CUBN: variants seen among roughly 807,000 people sequenced by gnomAD.
CUBN encodes the protein 460 kDa receptor.
Under a neutral mutation model 405.3 loss-of-function variants are expected in CUBN, and 282 were observed. That is an observed-to-expected ratio of 0.70 (90% CI 0.63 to 0.77). CUBN has a LOEUF of 0.77. Among genes scored for constraint, CUBN ranks in the 30% least tolerant of loss-of-function variants. The pLI, the probability that CUBN is intolerant of heterozygous loss-of-function variation, is 0.00. For missense variants in CUBN, 4,514 were observed against 4,475.2 expected, an observed-to-expected ratio of 1.01 and a Z score of -0.25; for synonymous variants, 1,684 against 1,617.0, an observed-to-expected ratio of 1.04 and a Z score of -0.99.
chr10:17,011,937 C>G (rs1380124225), intron 28 of CUBN, among the ~76,000 whole-genome samples: 1 of 152,148 alleles, frequency 6.6e-6, no homozygotes, highest in Non-Finnish European at 1.5e-5. Flanking sequence ...TCTTAATCCC[C>G]CCTCTAAACA....
intron 53 of CUBN, 151 bp from the exon 54 acceptor site, chr10:16,899,334 C>G: frequency 1.4e-6 from 1 of 702,918 alleles, no homozygotes. Context: ...ACAGCAAGCT[C>G]TCTCCATAAA....
At chr10:16,961,359 C>A (rs995120474) in intron 31 of CUBN, among the ~76,000 whole-genome samples, 1 of 152,186 alleles carries the variant, frequency 6.6e-6, no homozygotes, top group Non-Finnish European at 1.5e-5. Context: ...AGCCACAGTG[C>A]CCGGCCTTAA....
At chr10:16,861,396 C>G (rs1840008983) in intron 59 of CUBN, among the ~76,000 whole-genome samples, 1 of 152,054 alleles carries the variant, frequency 6.6e-6, no homozygotes, top group Admixed American at 6.5e-5. Context: ...CTCCTGACCT[C>G]AGGTGATCAG....
intron 48 of CUBN, among the ~76,000 whole-genome samples, chr10:16,913,585 T>C (rs757218703): frequency 2.0e-5 from 3 of 152,238 alleles, no homozygotes; most frequent in Non-Finnish European, 2.9e-5. Flanking sequence ...AAATTTATTC[T>C]ATGACCCTGA....
chr10:17,004,674 CTT>C (rs10637688), intron 28 of CUBN, among the ~76,000 whole-genome samples: 3 of 141,112 alleles, frequency 2.1e-5, no homozygotes, highest in Non-Finnish European at 4.6e-5. Flanking sequence ...CTAAATAGCT[CTT>C]TTTTTTTTTT....
intron 10 of CUBN, among the ~76,000 whole-genome samples, chr10:17,108,360 T>C (rs980087520): frequency 2.0e-5 from 3 of 147,142 alleles, no homozygotes; most frequent in African/African-American, 7.5e-5. Flanking sequence ...AATCATTTAA[T>C]AAGCATTTAG....
chr10:16,976,992 G>T (rs1229661625), intron 31 of CUBN, among the ~76,000 whole-genome samples: 1 of 152,160 alleles, frequency 6.6e-6, no homozygotes, highest in Non-Finnish European at 1.5e-5. Context: ...TTATTTCCAT[G>T]AGTTGAGTAA....
intron 28 of CUBN, among the ~76,000 whole-genome samples, chr10:17,018,102 G>A (rs942220751): frequency 6.6e-5 from 10 of 152,142 alleles, no homozygotes; most frequent in African/African-American, 2.4e-4. Flanking sequence ...CCGAAGAGTT[G>A]GGGGTTGTTA....
intron 28 of CUBN, among the ~76,000 whole-genome samples, chr10:16,992,513 A>T (rs1833621910): frequency 6.6e-6 from 1 of 152,230 alleles, no homozygotes; most frequent in Non-Finnish European, 1.5e-5. Flanking sequence ...GATCTTGTCT[A>T]CTGTCCACTC....
chr10:17,110,590 C>T (rs542535255), intron 9 of CUBN, among the ~76,000 whole-genome samples: 1 of 152,110 alleles, frequency 6.6e-6, no homozygotes, highest in South Asian at 2.1e-4. Context: ...TGCAATGGTG[C>T]GATCTCAGCT....
chr10:16,904,259 G>A (rs577048877), intron 50 of CUBN, 144 bp from the exon 51 acceptor site: 101 of 807,790 alleles, frequency 1.3e-4, no homozygotes, highest in African/African-American at 1.1e-3. Context: ...CAATATTTGT[G>A]TGTCTCTGTT....
chr10:16,829,432 C>A (rs1838907767), intron 65 of CUBN, among the ~76,000 whole-genome samples: 1 of 151,044 alleles, frequency 6.6e-6, no homozygotes. Context: ...GAGATCTTTG[C>A]ATGCCCAGAG....
intron 8 of CUBN, 104 bp downstream of exon 8, chr10:17,113,923 C>T (rs1214652008): frequency 8.9e-7 from 1 of 1,127,862 alleles, no homozygotes; most frequent in African/African-American, 1.5e-5. Context: ...GATTTGAACA[C>T]CTCCTAAGAA....
chr10:16,937,861 C>T, intron 38 of CUBN, 77 bp from the exon 39 acceptor site: 1 of 1,327,402 alleles, frequency 7.5e-7, no homozygotes, highest in Non-Finnish European at 1.0e-6. Flanking sequence ...AAAAAGATGC[C>T]TTATATTATT....
chr10:17,008,587 A>T (rs1834096779), intron 28 of CUBN, among the ~76,000 whole-genome samples: 1 of 151,804 alleles, frequency 6.6e-6, no homozygotes, highest in African/African-American at 2.4e-5. Context: ...CTCCTATCAC[A>T]GGGTCTTTCT....
chr10:17,059,100 T>C lies in CUBN; in HGVS notation c.3139+6408A>G, dbSNP rs560252011. Among the ~76,000 whole-genome samples, 171 of 147,834 alleles carry C rather than the reference T, an allele frequency of 1.2e-3. 1 individual carries two copies. The highest frequency in any genetic ancestry group is 2.2e-3 in the Non-Finnish European group (148 of 66,308). ...ACTGTTGGCAAAACTCACATATTTTTCTCTCTGACCAACCTCAAAAAAAAA... is the reference window on the plus strand; with the variant it reads ...ACTGTTGGCAAAACTCACATATTTTCCTCTCTGACCAACCTCAAAAAAAAA... On this transcript the variant is annotated intron_variant, in intron 22 of 66. Coordinates refer to ENST00000377833, the MANE Select transcript of CUBN (RefSeq NM_001081.4).
chr10:16,952,002 GTGT>G lies in CUBN; in HGVS notation c.4969+271_4969+273del, dbSNP rs10553704. Among the ~76,000 whole-genome samples, 9,630 of 152,220 alleles carry G rather than the reference GTGT, an allele frequency of 0.063. 378 individuals are homozygous for G. Among genetic ancestry groups the G allele is most frequent in the Non-Finnish European group, 0.088 (5,963 of 67,998 alleles). On this transcript the variant is annotated intron_variant, in intron 33 of 66. Coordinates refer to ENST00000377833, the MANE Select transcript of CUBN (RefSeq NM_001081.4). ...AATACAGCAAGGTTGTAGGTGTGTT[GTGT>G]TGTTGTGCGTGTGTGTGTTTTTTAA...
In CUBN at chr10:17,071,462, A is replaced by C; in HGVS notation, c.2589T>G (p.Ile863Met). The C allele has an allele frequency of 1.2e-6, 2 of 1,614,036 alleles. No individual in the cohort carries two copies. The highest frequency in any genetic ancestry group is 8.5e-7 in the Non-Finnish European group (1 of 1,179,946). ...VILLNFTVFE[I>M]GSSAHCETDY... Reference sequence around the variant, plus strand: ...CTGTTTCACAGTGGGCAGAACTTCCAATTTCAAAGACAGTGAAGTTGAGGA... The same window carrying C: ...CTGTTTCACAGTGGGCAGAACTTCCCATTTCAAAGACAGTGAAGTTGAGGA... Residue 863 changes from isoleucine (I) to methionine (M), a missense_variant, in exon 19 of 67, where the codon ATT (isoleucine) becomes ATG (methionine). Physicochemically the swap from Ile to Met is conservative, Grantham distance 10 (BLOSUM62 1). Coordinates refer to ENST00000377833, the MANE Select transcript of CUBN (RefSeq NM_001081.4).
chr10:16,920,252 C>T (rs1841998411), intron 43 of CUBN, 115 bp from the exon 44 acceptor site: 1 of 1,050,018 alleles, frequency 9.5e-7, no homozygotes, highest in Admixed American at 2.0e-5. Context: ...TTCCTTTCAT[C>T]TGTTATGATC....
Sources: gnomAD v4.1 joint callset for allele counts (sites outside exome capture counted in the v4.1 genomes callset) on GRCh38, gnomAD v4.1.1 for gene constraint, MANE v1.5 for transcripts, NCBI Gene and HGNC (gene_info 2026-07-23, HGNC 2026-07-21) for gene names.